The following MAPK4 variants were observed in gnomAD, a reference collection of about 807,000 sequenced individuals.
MAPK4 encodes the protein mitogen-activated protein kinase 4, also known as Erk3-related.
A neutral mutation model predicts 47.7 loss-of-function variants in MAPK4; 22 were observed. The ratio of observed to expected loss-of-function variants is 0.46; its 90% CI spans 0.33 to 0.66. MAPK4 has a LOEUF of 0.66. MAPK4 is among the 30% of genes least tolerant of loss of function. MAPK4 has a pLI of 0.02. For missense variants in MAPK4, 736 were observed against 831.7 expected (o/e 0.88, Z 1.42); for synonymous variants, 390 against 365.7 (o/e 1.07, Z -0.76).
intron 1 of MAPK4, chr18:50,629,618 A>T (rs111922767): frequency 6.6e-6 from 1 of 152,206 alleles, no homozygotes; most frequent in Non-Finnish European, 1.5e-5. Context: ...AGCTAAATGC[A>T]TGGTCCTTTT....
intron 1 of MAPK4, among the ~76,000 whole-genome samples, chr18:50,569,898 A>G (rs954936424): frequency 1.3e-5 from 2 of 152,242 alleles, no homozygotes; most frequent in African/African-American, 4.8e-5. Flanking sequence ...ACTGGGTAAA[A>G]GCAGCCCCTA....
At chr18:50,649,141 G>T (rs1431260635) in intron 1 of MAPK4, among the ~76,000 whole-genome samples, 2 of 152,194 alleles carry the variant, frequency 1.3e-5, no homozygotes, top group Non-Finnish European at 2.9e-5. Flanking sequence ...CAACCCCAGT[G>T]ATCTGATCCC....
chr18:50,626,315 C>T (rs528087173), intron 1 of MAPK4, among the ~76,000 whole-genome samples: 73 of 152,314 alleles, frequency 4.8e-4, no homozygotes, highest in African/African-American at 1.3e-3. Context: ...CATCTCTGAA[C>T]GTGAGGTCTG....
At chr18:50,685,842 G>A (rs750809221) in intron 2 of MAPK4, among the ~76,000 whole-genome samples, 5 of 152,058 alleles carry the variant, frequency 3.3e-5, no homozygotes, top group Admixed American at 6.6e-5. Context: ...CTCGGTACAC[G>A]CAGCTCTCTG....
chr18:50,600,713 T>G (rs2042528036), intron 1 of MAPK4, among the ~76,000 whole-genome samples: 1 of 152,168 alleles, frequency 6.6e-6, no homozygotes, highest in African/African-American at 2.4e-5. Flanking sequence ...AGTCAAAGAC[T>G]TCCTTGGTGA....
intron 1 of MAPK4, among the ~76,000 whole-genome samples, chr18:50,660,567 TA>T: frequency 6.6e-6 from 1 of 152,200 alleles, no homozygotes; most frequent in East Asian, 1.9e-4. Flanking sequence ...GATGGACATG[TA>T]CAAAAAGTTA....
At position 50,729,608 on chromosome 18, in the gene MAPK4, C is replaced by A. The variant is rs866724311; in HGVS notation, c.1518C>A (p.His506Gln). Reference sequence around the variant, plus strand: ...AGAGCACGCAGGGCGGCCCAGAGCACGCCAGCCCGCCCGCCGACGACCCCG... The same window carrying A: ...AGAGCACGCAGGGCGGCCCAGAGCAAGCCAGCCCGCCCGCCGACGACCCCG... ...WVKSTQGGPE[H>Q]ASPPADDPER... The change falls in exon 6 of 6, where the codon CAC (histidine) becomes CAA (glutamine). Residue 506 changes from histidine to glutamine, a missense_variant. Coordinates refer to ENST00000400384, the MANE Select transcript of MAPK4 (RefSeq NM_002747.4). 1 of 1,376,322 alleles carries A rather than the reference C, an allele frequency of 7.3e-7. No homozygotes were observed. Among genetic ancestry groups the A allele is most frequent in the Non-Finnish European group, 9.4e-7 (1 of 1,067,870 alleles). The allele number at this position is 1,376,322 out of a possible 1,614,324, so 85.3% of individuals were successfully genotyped here. A position where few individuals can be genotyped will look rare whatever the true frequency, so the allele number is the denominator to read the frequency against.
At chr18:50,687,165 T>C (rs1182161162) in intron 2 of MAPK4, among the ~76,000 whole-genome samples, 2 of 152,162 alleles carry the variant, frequency 1.3e-5, no homozygotes, top group Non-Finnish European at 2.9e-5. Flanking sequence ...AAAGGAAACA[T>C]CATGTGTCAC....
At chr18:50,630,633 A>G (rs557644721) in intron 1 of MAPK4, among the ~76,000 whole-genome samples, 3 of 152,328 alleles carry the variant, frequency 2.0e-5, no homozygotes, top group Admixed American at 2.0e-4. Context: ...GGTCCTAACT[A>G]AAATTCTGCA....
chr18:50,637,877 T>C (rs766785100), intron 1 of MAPK4, among the ~76,000 whole-genome samples: 18 of 152,220 alleles, frequency 1.2e-4, no homozygotes, highest in Admixed American at 7.2e-4. Context: ...TCATATTAGA[T>C]TGGGGCCTAC....
intron 1 of MAPK4, among the ~76,000 whole-genome samples, chr18:50,639,462 G>A (rs1246756003): frequency 6.6e-6 from 1 of 152,040 alleles, no homozygotes; most frequent in East Asian, 1.9e-4. Context: ...CACTTTTATG[G>A]TTCAATATAA....
rs527423381 is a variant in MAPK4, at chr18:50,719,452, G to A, written c.692-2486G>A. ...GAAATTGCACAGACCTCCCAGTTCCGTATTTTCCAGCCAATTCAAGGCAGG... is the reference window on the plus strand; with the variant it reads ...GAAATTGCACAGACCTCCCAGTTCCATATTTTCCAGCCAATTCAAGGCAGG... On this transcript the variant is annotated intron_variant, in intron 3 of 5. Transcript: ENST00000400384. Among the ~76,000 whole-genome samples, 24 of 152,272 alleles carry A rather than the reference G, an allele frequency of 1.6e-4. 1 individual carries two copies. The highest frequency in any genetic ancestry group is 3.4e-3 in the Middle Eastern group (1 of 294).
intron 1 of MAPK4, among the ~76,000 whole-genome samples, chr18:50,646,205 G>C (rs1332145082): frequency 3.3e-5 from 5 of 152,164 alleles, no homozygotes; most frequent in Non-Finnish European, 7.3e-5. Context: ...GTTCTCAACT[G>C]TACTCCCTGC....
rs377398029 is a variant in MAPK4, at chr18:50,585,830, T to C, written c.-871+25587T>C. 3.3e-5 allele frequency among the ~76,000 whole-genome samples: 5 copies of C among 152,150 alleles called. No individual in the cohort carries two copies. In the East Asian group the frequency reaches 7.7e-4, roughly 23 times the overall value. On this transcript the variant is annotated intron_variant, in intron 1 of 5. Coordinates refer to ENST00000400384, the MANE Select transcript of MAPK4 (RefSeq NM_002747.4). ...ACCAAACATGTCCTTCTTCACATGG[T>C]GGTAGGAAGGAGAAGTGCTGAGCAA...
intron 1 of MAPK4, among the ~76,000 whole-genome samples, chr18:50,635,358 T>A (rs2042875606): frequency 6.6e-6 from 1 of 152,190 alleles, no homozygotes; most frequent in African/African-American, 2.4e-5. Context: ...CCCTTTACTG[T>A]GCTTGATGAT....
intron 2 of MAPK4, among the ~76,000 whole-genome samples, chr18:50,704,290 G>A (rs926432017): frequency 6.6e-6 from 1 of 152,126 alleles, no homozygotes; most frequent in African/African-American, 2.4e-5. Context: ...CGGGTGCAAT[G>A]CTTGAGCTCA....
chr18:50,668,465 C>T (rs540360024), intron 2 of MAPK4, among the ~76,000 whole-genome samples: 2 of 152,314 alleles, frequency 1.3e-5, no homozygotes, highest in East Asian at 1.9e-4. Flanking sequence ...CAACTGGCCA[C>T]GTCGAGGTTT....
chr18:50,582,134 A>T (rs1568034425), intron 1 of MAPK4, among the ~76,000 whole-genome samples: 1 of 152,162 alleles, frequency 6.6e-6, no homozygotes. Flanking sequence ...AAAATACTCT[A>T]GAAGTTCTGA....
intron 2 of MAPK4, among the ~76,000 whole-genome samples, chr18:50,698,040 A>G (rs909631278): frequency 6.6e-6 from 1 of 152,228 alleles, no homozygotes; most frequent in African/African-American, 2.4e-5. Flanking sequence ...GTGGCAGCTG[A>G]TCATGACTTT....
Sources: gnomAD v4.1 joint callset for allele counts (sites outside exome capture counted in the v4.1 genomes callset) on GRCh38, gnomAD v4.1.1 for gene constraint, MANE v1.5 for transcripts, NCBI Gene and HGNC (gene_info 2026-07-23, HGNC 2026-07-21) for gene names.